The following TPP2 variants were observed in gnomAD, a reference collection of about 807,000 sequenced individuals.
The protein encoded by TPP2 is tripeptidyl-peptidase 2.
TPP2 carries 34 observed loss-of-function variants against 155.9 expected under a neutral mutation model. The observed-to-expected ratio is 0.22, with a 90% CI of 0.17 to 0.29. The LOEUF is 0.29. Ranked by LOEUF, TPP2 falls within the 10% of genes least tolerant of loss-of-function variation. The pLI is 1.00. For synonymous variants in TPP2, 510 were observed against 529.4 expected (o/e 0.96, Z 0.50); for missense variants, 1,028 against 1,522.3 (o/e 0.68, Z 5.40).
intron 28 of TPP2, among the ~76,000 whole-genome samples, chr13:102,674,691 C>G (rs1336892200): frequency 3.3e-5 from 5 of 152,166 alleles, no homozygotes; most frequent in Non-Finnish European, 5.9e-5. Flanking sequence ...TGCAAACTGG[C>G]TGTTAAACCA....
intron 2 of TPP2, among the ~76,000 whole-genome samples, chr13:102,608,827 T>C (rs1880045972): frequency 6.6e-6 from 1 of 152,154 alleles, no homozygotes; most frequent in Non-Finnish European, 1.5e-5. Context: ...TGTTCTCTGC[T>C]TTTTATGTTA....
chr13:102,656,099 G>C (rs922302968), intron 24 of TPP2, among the ~76,000 whole-genome samples: 6 of 151,944 alleles, frequency 3.9e-5, no homozygotes, highest in Admixed American at 1.3e-4. Context: ...TTCCTAACTT[G>C]TTGTCTTCTT....
intron 15 of TPP2, 123 bp from the exon 16 acceptor site, chr13:102,640,147 C>T (rs1008083044): frequency 1.5e-5 from 11 of 747,158 alleles, no homozygotes; most frequent in Admixed American, 5.9e-5. Flanking sequence ...TGTTTTGTAA[C>T]CAGCTTCTAA....
intron 25 of TPP2, among the ~76,000 whole-genome samples, chr13:102,662,588 T>C (rs1884306527): frequency 6.6e-6 from 1 of 152,196 alleles, no homozygotes; most frequent in South Asian, 2.1e-4. Flanking sequence ...CTTGGATAAT[T>C]GTTAGCGAAA....
chr13:102,634,175 T>G (rs1193399221), intron 11 of TPP2, 77 bp downstream of exon 11: 11 of 1,574,616 alleles, frequency 7.0e-6, no homozygotes, highest in Non-Finnish European at 9.6e-6. Flanking sequence ...GGTAAGAACA[T>G]GTGGTAGAAT....
At position 102,634,086 on chromosome 13, in the gene TPP2, C is replaced by G; in HGVS notation, c.1381C>G (p.Leu461Val). The G allele has an allele frequency of 6.2e-7, 1 of 1,614,082 alleles. No individual in the cohort carries two copies. Among genetic ancestry groups the G allele is most frequent in the Admixed American group, 1.7e-5 (1 of 60,020 alleles). Residue 461 changes from leucine (L) to valine (V), a missense_variant, in exon 11 of 30, where the codon CTG becomes GTG. Leu to Val is a conservative substitution (Grantham distance 32). Around this residue, in one of 7 missense-constraint regions of TPP2, gnomAD observed 325 missense variants for 463.7 expected, o/e 0.70. Coordinates refer to ENST00000376052, the MANE Select transcript of TPP2 (RefSeq NM_001330588.2). ...SSPNACGGIA[L>V]ILSGLKANNI... ...CCCCAATGCATGTGGAGGCATTGCCCTGATCCTTTCAGGTAAGCGTGTTCT... is the reference window on the plus strand; with the variant it reads ...CCCCAATGCATGTGGAGGCATTGCCGTGATCCTTTCAGGTAAGCGTGTTCT...
intron 1 of TPP2, among the ~76,000 whole-genome samples, chr13:102,599,597 T>C (rs1284593615): frequency 6.6e-6 from 1 of 152,134 alleles, no homozygotes; most frequent in Non-Finnish European, 1.5e-5. Flanking sequence ...GTTGTCTCAG[T>C]CTTTGGTGAC....
At chr13:102,633,798 A>G in intron 10 of TPP2, 152 bp from the exon 11 acceptor site, 1 of 1,141,590 alleles carries the variant, frequency 8.8e-7, no homozygotes, top group African/African-American at 1.6e-5. Flanking sequence ...TCCCCCATTG[A>G]TTCTTCATAG....
chr13:102,664,943 A>C lies in TPP2; in HGVS notation c.3371+18A>C, dbSNP rs745893531. 6.2e-7 allele frequency: 1 copy of C among 1,608,836 alleles called. No individual in the cohort carries two copies. ...ATAAAAAAGTACCTAACCAGTAAATAATCTTTCTTGCATCTCATTTCCTAG... is the reference window on the plus strand; with the variant it reads ...ATAAAAAAGTACCTAACCAGTAAATCATCTTTCTTGCATCTCATTTCCTAG... On this transcript the variant is annotated intron_variant, in intron 27 of 29. Transcript: ENST00000376052.
At chr13:102,674,857 A>C (rs1885199839) in intron 28 of TPP2, among the ~76,000 whole-genome samples, 1 of 152,222 alleles carries the variant, frequency 6.6e-6, no homozygotes. Context: ...GATTGGGGGC[A>C]GGTTGAGGAG....
chr13:102,669,589 C>T (rs1439482977), intron 27 of TPP2, among the ~76,000 whole-genome samples: 1 of 152,134 alleles, frequency 6.6e-6, no homozygotes, highest in East Asian at 1.9e-4. Context: ...TTTGCCATAA[C>T]TGATTAGGTT....
At chr13:102,621,577 G>C (rs1419622666) in intron 5 of TPP2, among the ~76,000 whole-genome samples, 1 of 152,094 alleles carries the variant, frequency 6.6e-6, no homozygotes, top group Non-Finnish European at 1.5e-5. Context: ...GGAGGTGAGG[G>C]AGGTGAGCAG....
intron 5 of TPP2, among the ~76,000 whole-genome samples, chr13:102,620,430 G>A (rs1881070126): frequency 6.6e-6 from 1 of 152,110 alleles, no homozygotes; most frequent in African/African-American, 2.4e-5. Flanking sequence ...GCATAATACA[G>A]TATATCCTAT....
intron 25 of TPP2, among the ~76,000 whole-genome samples, chr13:102,658,963 A>T (rs753847499): frequency 2.3e-4 from 35 of 152,324 alleles, no homozygotes; most frequent in Middle Eastern, 3.4e-3. Flanking sequence ...AGAAGACCAC[A>T]GGAGAGTGCT....
intron 3 of TPP2, among the ~76,000 whole-genome samples, chr13:102,616,124 T>C (rs1349591905): frequency 6.6e-6 from 1 of 152,026 alleles, no homozygotes; most frequent in Non-Finnish European, 1.5e-5. Flanking sequence ...ACCTGGCTAA[T>C]TTTTGTATTT....
At chr13:102,662,513 GA>G (rs1003611216) in intron 25 of TPP2, among the ~76,000 whole-genome samples, 44 of 151,150 alleles carry the variant, frequency 2.9e-4, no homozygotes, top group Non-Finnish European at 1.5e-5. Context: ...ACATTTTTTG[GA>G]AAAAAAAATT....
chr13:102,636,465 T>C, intron 13 of TPP2, 73 bp downstream of exon 13: 2 of 1,507,840 alleles, frequency 1.3e-6, no homozygotes, highest in Non-Finnish European at 8.9e-7. Flanking sequence ...TAATAAAGAA[T>C]TGCTGTTTGG....
intron 25 of TPP2, among the ~76,000 whole-genome samples, chr13:102,658,901 T>A (rs866375462): frequency 6.6e-6 from 1 of 152,280 alleles, no homozygotes; most frequent in Middle Eastern, 3.4e-3. Context: ...TTGGGAACAC[T>A]GGGGCCCCAA....
chr13:102,674,547 C>A, intron 28 of TPP2, 57 bp downstream of exon 28: 1 of 1,551,218 alleles, frequency 6.4e-7, no homozygotes, highest in South Asian at 1.1e-5. Flanking sequence ...ACAGACCTCT[C>A]TTGTGCCCCA....
Sources: allele counts gnomAD v4.1 joint callset (sites outside exome capture counted in the v4.1 genomes callset), GRCh38; gene constraint gnomAD v4.1.1; regional missense constraint gnomAD v4.1.1; transcripts MANE v1.5; gene names NCBI Gene and HGNC (gene_info 2026-07-23, HGNC 2026-07-21).